Variants in NRXN1 observed in about 807,000 individuals in gnomAD.
NRXN1 encodes the protein neurexin-1.
A neutral mutation model predicts 150.9 loss-of-function variants in NRXN1; 39 were observed. The ratio of observed to expected loss-of-function variants is 0.26; its 90% CI spans 0.20 to 0.34. The LOEUF (loss-of-function observed/expected upper bound fraction) is 0.34. Among genes scored for constraint, NRXN1 ranks in the 10% least tolerant of loss-of-function variants. NRXN1 has a pLI of 1.00. For synonymous variants in NRXN1, 924 were observed against 757.0 expected, an observed-to-expected ratio of 1.22 and a Z score of -3.62; for missense variants, 1,815 against 1,949.9, an observed-to-expected ratio of 0.93 and a Z score of 1.30.
At chr2:50,488,478 A>C (rs11125310) in intron 15 of NRXN1, among the ~76,000 whole-genome samples, 8,323 of 152,256 alleles carry the variant, frequency 0.055, 792 homozygotes, top group African/African-American at 0.19. Flanking sequence ...CAAGGGAATG[A>C]TCCTTGGGCA....
In NRXN1 at chr2:50,985,002, G is replaced by C. The variant is rs1187000141; in HGVS notation, c.772+42500C>G. ...AAAATTGCAGATTCAACATTTGTTA[G>C]TTTTCCTTTCTGCTCTAATTCCATG... On this transcript the variant is annotated intron_variant, in intron 2 of 22. Transcript: ENST00000401669. Among the ~76,000 whole-genome samples the C allele has an allele frequency of 3.3e-5, 5 of 151,990 alleles. No homozygotes were observed. In the East Asian group the frequency reaches 9.7e-4, roughly 29 times the overall value.
At chr2:50,515,479 A>G (rs1313420669) in intron 12 of NRXN1, among the ~76,000 whole-genome samples, 1 of 152,136 alleles carries the variant, frequency 6.6e-6, no homozygotes, top group Non-Finnish European at 1.5e-5. Flanking sequence ...AAAAGTTTGG[A>G]GACCACTGCT....
intron 17 of NRXN1, among the ~76,000 whole-genome samples, chr2:50,316,141 G>A (rs1460356966): frequency 6.6e-6 from 1 of 152,036 alleles, no homozygotes; most frequent in African/African-American, 2.4e-5. Flanking sequence ...AAGCTTGGAG[G>A]CTATAATATC....
chr2:50,489,109 A>T (rs2104847248), intron 15 of NRXN1, among the ~76,000 whole-genome samples: 1 of 152,110 alleles, frequency 6.6e-6, no homozygotes, highest in East Asian at 1.9e-4. Flanking sequence ...TGGGCATAGG[A>T]TTGAACTTTC....
At chr2:50,693,176 C>A (rs1692314017) in intron 5 of NRXN1, among the ~76,000 whole-genome samples, 1 of 152,064 alleles carries the variant, frequency 6.6e-6, no homozygotes, top group South Asian at 2.1e-4. Context: ...ATTTAAAAGG[C>A]AAAAATCCAA....
intron 2 of NRXN1, among the ~76,000 whole-genome samples, chr2:50,966,723 T>C (rs1558504799): frequency 1.3e-5 from 2 of 151,840 alleles, no homozygotes; most frequent in Non-Finnish European, 2.9e-5. Flanking sequence ...TATGGGTAGA[T>C]TGGCTGCCAG....
At chr2:49,949,680 C>G (rs907395743) in intron 21 of NRXN1, among the ~76,000 whole-genome samples, 2 of 145,382 alleles carry the variant, frequency 1.4e-5, no homozygotes, top group Non-Finnish European at 2.9e-5. Context: ...ACAGTGTATC[C>G]TGCTATACCT....
intron 6 of NRXN1, among the ~76,000 whole-genome samples, chr2:50,621,930 C>T (rs1292039460): frequency 2.6e-5 from 4 of 152,152 alleles, no homozygotes; most frequent in South Asian, 2.1e-4. Context: ...GCTACCAATT[C>T]GCAGTTTGGT....
chr2:50,184,071 C>A (rs1238843490), intron 18 of NRXN1, among the ~76,000 whole-genome samples: 1 of 151,990 alleles, frequency 6.6e-6, no homozygotes, highest in Non-Finnish European at 1.5e-5. Context: ...AAAAGTTCGA[C>A]AGGAAGTTTC....
At chr2:50,021,371 T>C (rs929679390) in intron 21 of NRXN1, among the ~76,000 whole-genome samples, 1 of 152,162 alleles carries the variant, frequency 6.6e-6, no homozygotes, top group Non-Finnish European at 1.5e-5. Context: ...TATAGCAGGA[T>C]GGAAACTTCT....
chr2:50,228,326 A>G (rs2064603292), intron 18 of NRXN1, among the ~76,000 whole-genome samples: 1 of 152,020 alleles, frequency 6.6e-6, no homozygotes, highest in African/African-American at 2.4e-5. Flanking sequence ...TGGCTCATAT[A>G]TTTCTCTTGG....
At chr2:50,578,349 G>T (rs1238351643) in intron 8 of NRXN1, among the ~76,000 whole-genome samples, 1 of 152,100 alleles carries the variant, frequency 6.6e-6, no homozygotes, top group Non-Finnish European at 1.5e-5. Flanking sequence ...TTTGATAGGG[G>T]TACTTAGGAG....
chr2:50,986,870 T>C (rs1237076691), intron 2 of NRXN1, among the ~76,000 whole-genome samples: 1 of 151,830 alleles, frequency 6.6e-6, no homozygotes, highest in Admixed American at 6.6e-5. Flanking sequence ...GACATAGATA[T>C]ATATGTATAT....
chr2:50,869,550 A>C (rs1677454791), intron 5 of NRXN1, among the ~76,000 whole-genome samples: 1 of 151,782 alleles, frequency 6.6e-6, no homozygotes, highest in African/African-American at 2.4e-5. Context: ...ATACAAGTTA[A>C]ATCAAATTTT....
chr2:49,989,712 A>G (rs571629912), intron 21 of NRXN1, among the ~76,000 whole-genome samples: 75 of 152,312 alleles, frequency 4.9e-4, no homozygotes, highest in Non-Finnish European at 8.7e-4. Context: ...AAGCAATTCT[A>G]GGATTGGATA....
intron 5 of NRXN1, among the ~76,000 whole-genome samples, chr2:50,661,971 T>C (rs983533294): frequency 1.3e-5 from 2 of 152,062 alleles, no homozygotes; most frequent in Non-Finnish European, 2.9e-5. Flanking sequence ...TATTTGTTAT[T>C]TGTATTATTC....
chr2:50,614,640 A>AAAAT (rs377332372), intron 8 of NRXN1, among the ~76,000 whole-genome samples: 3 of 143,318 alleles, frequency 2.1e-5, no homozygotes, highest in African/African-American at 5.1e-5. Flanking sequence ...GTATAATAAA[A>AAAAT]ATATATATAT....
chr2:50,652,328 A>G (rs1685763171), intron 5 of NRXN1, among the ~76,000 whole-genome samples: 1 of 152,044 alleles, frequency 6.6e-6, no homozygotes, highest in Admixed American at 6.6e-5. Flanking sequence ...CATCATTGCA[A>G]TCTAATTTTA....
chr2:50,022,284 A>G (rs1383706080), intron 21 of NRXN1, among the ~76,000 whole-genome samples: 4 of 152,204 alleles, frequency 2.6e-5, no homozygotes, highest in African/African-American at 9.6e-5. Context: ...GCCCGGCTAC[A>G]GGCAATTTTT....
Sources: gnomAD v4.1 joint callset for allele counts (sites outside exome capture counted in the v4.1 genomes callset) on GRCh38, gnomAD v4.1.1 for gene constraint, MANE v1.5 for transcripts, NCBI Gene and HGNC (gene_info 2026-07-23, HGNC 2026-07-21) for gene names.